GLI3: variants seen among roughly 807,000 people sequenced by gnomAD.
GLI3 encodes the protein GLI family zinc finger 3, also known as transcription activator GLI3.
GLI3 carries 20 observed loss-of-function variants against 100.8 expected under a neutral mutation model. That is an observed-to-expected ratio of 0.20 (90% CI 0.14 to 0.29). The LOEUF (loss-of-function observed/expected upper bound fraction) is 0.29. Among genes scored for constraint, GLI3 ranks in the 10% least tolerant of loss-of-function variants. The probability of loss-of-function intolerance (pLI) is 1.00; values close to 1 mark genes in which losing one functional copy is unlikely to be tolerated. For missense variants in GLI3, 2,040 were observed against 2,128.5 expected, an observed-to-expected ratio of 0.96 and a Z score of 0.82; for synonymous variants, 938 against 860.5, an observed-to-expected ratio of 1.09 and a Z score of -1.58.
chr7:42,113,592 A>G (rs1372893858), intron 3 of GLI3: 7 of 1,037,484 alleles, frequency 6.7e-6, no homozygotes, highest in Admixed American at 5.1e-5. Context: ...GACCAGGCCC[A>G]GAAAGCTGAA....
At chr7:42,092,831 A>ATTTATTTATTTATTTATT (rs1562725064) in intron 3 of GLI3, among the ~76,000 whole-genome samples, 2 of 149,546 alleles carry the variant, frequency 1.3e-5, no homozygotes, top group African/African-American at 2.5e-5. Flanking sequence ...ATGTATTTAT[A>ATTTATTTATTTATTTATT]GAGACGGAGT....
In GLI3 at chr7:42,025,314, T is replaced by C; in HGVS notation, c.1306A>G (p.Lys436Glu). Residue 436 changes from lysine (K) to glutamate (E), a missense_variant, in exon 9 of 15, where the codon AAG (lysine) becomes GAG (glutamate). Physicochemically the swap from Lys to Glu is moderately conservative, Grantham distance 56. Around this residue, in one of 5 missense-constraint regions of GLI3, gnomAD observed 603 missense variants for 690.9 expected, o/e 0.87. Transcript: ENST00000395925. The stretch of plus-strand genomic sequence containing the variant: ...GGGAGGTCTTCATCGGGTTTGATCT[T>C]GGACCTCTTGTTGTGCATCGGGTCA... Reference protein sequence around the residue: ...TGDPMHNKRSKIKPDEDLPSP... With the variant: ...TGDPMHNKRSEIKPDEDLPSP... 2.5e-6 allele frequency: 4 copies of C among 1,614,160 alleles called. No homozygotes were observed. Among genetic ancestry groups the C allele is most frequent in the Non-Finnish European group, 3.4e-6 (4 of 1,180,012 alleles).
intron 3 of GLI3, among the ~76,000 whole-genome samples, chr7:42,080,853 C>T (rs1438925697): frequency 6.6e-6 from 1 of 152,132 alleles, no homozygotes; most frequent in Non-Finnish European, 1.5e-5. Context: ...CAAGAAAACC[C>T]ACATGACGAG....
intron 2 of GLI3, among the ~76,000 whole-genome samples, chr7:42,203,477 A>G (rs79216728): frequency 0.046 from 6,991 of 152,272 alleles, 201 homozygotes; most frequent in Non-Finnish European, 0.066. Context: ...AGAACACATG[A>G]CATTTTTCTT....
At position 41,972,197 on chromosome 7, in the gene GLI3, C is replaced by T. The variant is rs558756601; in HGVS notation, c.2103+140G>A. The T allele has an allele frequency of 4.5e-5, 37 of 817,472 alleles. No individual in the cohort carries two copies. Among genetic ancestry groups the T allele is most frequent in the Admixed American group, 1.8e-4 (10 of 56,940 alleles). The allele number at this position is 817,472 out of a possible 1,614,324, so 50.6% of individuals were successfully genotyped here. A position where few individuals can be genotyped will look rare whatever the true frequency, so the allele number is the denominator to read the frequency against. ...GCTGATCGACTTCACGTAAGCAATA[C>T]GGGTCACTGCCCTCATCGCCTCCTC... On this transcript the variant is annotated intron_variant, in intron 13 of 14. Transcript: ENST00000395925. This position sits in a 1 kb window ranked among gnomAD's most constrained non-coding sequence, Gnocchi z 4.4.
intron 3 of GLI3, among the ~76,000 whole-genome samples, chr7:42,146,067 G>A (rs534465013): frequency 3.8e-4 from 58 of 152,236 alleles, no homozygotes; most frequent in African/African-American, 1.3e-3. Flanking sequence ...ATATAATAAT[G>A]TAATTTATGA....
At position 41,965,086 on chromosome 7, in the gene GLI3, G is replaced by A. The variant is rs145859702; in HGVS notation, c.3987C>T (p.Gly1329=). ...CTGCCCCCGGGTGCTGCATGCTGTC[G>A]CCGAGGAGCTGGTGAGCCAGGTACC... is the stretch of plus-strand genomic sequence containing the variant. ...GQGYLAHQLL[G]DSMQHPGAGR... Residue 1329 remains glycine, a synonymous_variant, in exon 15 of 15, where the codon GGC becomes GGT. Coordinates refer to ENST00000395925, the MANE Select transcript of GLI3 (RefSeq NM_000168.6). 586 of 1,613,648 alleles carry A rather than the reference G, an allele frequency of 3.6e-4. No homozygotes were observed. Among genetic ancestry groups the A allele is most frequent in the Non-Finnish European group, 4.7e-4 (555 of 1,180,004 alleles).
intron 2 of GLI3, among the ~76,000 whole-genome samples, chr7:42,220,193 T>C (rs952087558): frequency 2.0e-5 from 3 of 152,172 alleles, no homozygotes; most frequent in East Asian, 3.9e-4. Flanking sequence ...TAAATGGATA[T>C]AGTTCAGGGC....
chr7:42,148,846 G>T (rs1474197275), intron 2 of GLI3, among the ~76,000 whole-genome samples: 2 of 152,174 alleles, frequency 1.3e-5, no homozygotes, highest in East Asian at 1.9e-4. Context: ...ATCTAAGACT[G>T]TGCATGTCCA....
intron 10 of GLI3, among the ~76,000 whole-genome samples, chr7:42,008,352 C>G (rs1034673510): frequency 6.6e-6 from 1 of 152,222 alleles, no homozygotes; most frequent in Non-Finnish European, 1.5e-5. Flanking sequence ...TCCCACAGGA[C>G]AGCCAACCAC....
intron 2 of GLI3, among the ~76,000 whole-genome samples, chr7:42,221,111 C>T (rs1008708946): frequency 7.9e-5 from 12 of 152,214 alleles, no homozygotes; most frequent in Admixed American, 3.3e-4. Flanking sequence ...ATCATGACTG[C>T]TCCTTCTCTG....
chr7:42,011,880 C>G (rs543886496), intron 10 of GLI3, among the ~76,000 whole-genome samples: 1 of 152,148 alleles, frequency 6.6e-6, no homozygotes, highest in Non-Finnish European at 1.5e-5. Flanking sequence ...CAATGCCACA[C>G]AGAACTGCAA....
In GLI3 at chr7:42,194,759, C is replaced by CTTTTTTTTTTTT. The variant is rs61524545; in HGVS notation, c.124+28359_124+28370dup. Among the ~76,000 whole-genome samples, 43 of 108,936 alleles carry CTTTTTTTTTTTT rather than the reference C, an allele frequency of 3.9e-4. 1 individual carries two copies. Among genetic ancestry groups the CTTTTTTTTTTTT allele is most frequent in the African/African-American group, 6.5e-4 (16 of 24,712 alleles). 71.5% of individuals were successfully genotyped at this position (108,936 alleles called of 152,430 possible). On this transcript the variant is annotated intron_variant, in intron 2 of 14. Transcript: ENST00000395925. ...AATGCATCAACTTCTCTCTCTGTCTCTTTTTTTTTTTTTTTTTGGAGTCGG... is the reference window on the plus strand; with the variant it reads ...AATGCATCAACTTCTCTCTCTGTCTCTTTTTTTTTTTTTTTTTTTTTTTTTTTTTGGAGTCGG...
chr7:42,182,664 A>ATATATATATATACGTGTG (rs1787629217), intron 2 of GLI3, among the ~76,000 whole-genome samples: 2 of 78,328 alleles, frequency 2.6e-5, no homozygotes, highest in African/African-American at 1.3e-4. Context: ...ATATATATAT[A>ATATATATATATACGTGTG]TATATATATA....
rs772276953 is a variant in GLI3 at position 41,967,795 on chromosome 7, G to A, written c.2232C>T (p.Ile744=). Residue 744 remains isoleucine (I), a synonymous_variant, in exon 14 of 15, where the codon ATC becomes ATT. Transcript: ENST00000395925. ...TTGAGTCCATGATTGGGGTTTCATC[G>A]ATGGCACTGAGGTCTCCTATACTAC... ...DGGSIGDLSA[I]DETPIMDSTI... The A allele has an allele frequency of 1.1e-5, 18 of 1,614,052 alleles. No individual in the cohort carries two copies. Among genetic ancestry groups the A allele is most frequent in the African/African-American group, 2.7e-5 (2 of 74,924 alleles).
At chr7:42,114,001 T>A (rs1785783773) in intron 3 of GLI3, among the ~76,000 whole-genome samples, 1 of 152,180 alleles carries the variant, frequency 6.6e-6, no homozygotes, top group South Asian at 2.1e-4. Context: ...TAGGCTTAAC[T>A]CCCTTAAAGC....
rs1170024094 is a variant in GLI3 at position 42,222,896 on chromosome 7, T to A, written c.124+234A>T. 3 of 501,332 alleles carry A rather than the reference T, an allele frequency of 6.0e-6. No individual in the cohort carries two copies. The Admixed American group carries it at 9.6e-5, about 16-fold the overall frequency. The allele number at this position is 501,332 out of a possible 1,614,324, so 31.1% of individuals were successfully genotyped here. On this transcript the variant is annotated intron_variant, in intron 2 of 14. Coordinates refer to ENST00000395925, the MANE Select transcript of GLI3 (RefSeq NM_000168.6). The stretch of plus-strand genomic sequence containing the variant: ...GGAACTTCTGATAATAAATAACCTA[T>A]CACATTTACATCTCAAATTAGAAAG...
intron 2 of GLI3, among the ~76,000 whole-genome samples, chr7:42,203,516 A>G (rs973316132): frequency 2.0e-5 from 3 of 152,154 alleles, no homozygotes; most frequent in South Asian, 4.2e-4. Context: ...CACTTGACAT[A>G]ATGTCCTCCA....
At chr7:41,968,744 GAAAGAAAGAAAGAAAGAAGGAAAGAAA>G (rs1562661977) in intron 13 of GLI3, among the ~76,000 whole-genome samples, 1 of 127,196 alleles carries the variant, frequency 7.9e-6, no homozygotes, top group African/African-American at 3.8e-5. Flanking sequence ...AAGAAAGAAA[GAAAGAAAGAAAGAAAGAAGGAAAGAAA>G]GAAAGAAAGA....
Sources: allele counts gnomAD v4.1 joint callset (sites outside exome capture counted in the v4.1 genomes callset), GRCh38; gene constraint gnomAD v4.1.1; regional missense constraint gnomAD v4.1.1; non-coding constraint Gnocchi (gnomAD v3.1); transcripts MANE v1.5; gene names NCBI Gene and HGNC (gene_info 2026-07-23, HGNC 2026-07-21).